Variants in CSTF1 observed in about 807,000 individuals in gnomAD.
CSTF1 encodes the protein CF-1 50 kDa subunit.
CSTF1 carries 2 observed loss-of-function variants against 40.9 expected under a neutral mutation model. That is an observed-to-expected ratio of 0.05 (90% CI 0.02 to 0.15). CSTF1 has a LOEUF of 0.15. Among genes scored for constraint, CSTF1 ranks in the 10% least tolerant of loss-of-function variants. The pLI, the probability that CSTF1 is intolerant of heterozygous loss-of-function variation, is 1.00. For synonymous variants in CSTF1, 218 were observed against 207.2 expected (o/e 1.05, Z -0.45); for missense variants, 279 against 558.9 (o/e 0.50, Z 5.05).
chr20:56,403,148 A>G (rs77513126), intron 5 of CSTF1, among the ~76,000 whole-genome samples: 2,225 of 151,864 alleles, frequency 0.015, 51 homozygotes, highest in African/African-American at 0.051. Context: ...CAGTAACAGT[A>G]TTGCTTCAGG....
At chr20:56,402,804 G>A (rs1245367096) in intron 5 of CSTF1, among the ~76,000 whole-genome samples, 4 of 151,826 alleles carry the variant, frequency 2.6e-5, no homozygotes, top group African/African-American at 9.7e-5. Flanking sequence ...GTGTGGTGGT[G>A]TCCACCTGTA....
Position 56,399,062 on chromosome 20 carries a change from C to T in CSTF1, c.741C>T (p.Asn247=). 6.2e-7 allele frequency: 1 copy of T among 1,614,114 alleles called. No homozygotes were observed. Among genetic ancestry groups the T allele is most frequent in the Non-Finnish European group, 8.5e-7 (1 of 1,179,994 alleles). The stretch of plus-strand genomic sequence containing the variant: ...CTACTCTTCGCCTTTATGATATCAA[C>T]ACCTTTCAATGTTTTGTCTCTTGCA... ...QHPTLRLYDI[N]TFQCFVSCNP... The change falls in exon 5 of 6, where the codon AAC becomes AAT. Residue 247 remains asparagine, a synonymous_variant. Transcript: ENST00000217109. The surrounding 1 kb of genome is among the most constrained non-coding windows in gnomAD (Gnocchi z 4.6).
rs1463116839 is a variant in CSTF1, at chr20:56,397,371, C to T, written c.334C>T (p.Arg112Cys). The T allele has an allele frequency of 6.2e-7, 1 of 1,614,084 alleles. No individual in the cohort carries two copies. The highest frequency in any genetic ancestry group is 8.5e-7 in the Non-Finnish European group (1 of 1,180,024). Residue 112 changes from arginine to cysteine, a missense_variant, in exon 3 of 6, where the codon CGT becomes TGT. Transcript: ENST00000217109. The surrounding 1 kb of genome is among the most constrained non-coding windows in gnomAD (Gnocchi z 4.4). The stretch of plus-strand genomic sequence containing the variant: ...TGTCACATCACATAAAGGACCATGC[C>T]GTGTAGCTACCTATAGTAGAGATGG... Reference protein sequence around the residue: ...CYVTSHKGPCRVATYSRDGQL... With the variant: ...CYVTSHKGPCCVATYSRDGQL...
chr20:56,401,856 A>G lies in CSTF1; in HGVS notation c.1037-1612A>G, dbSNP rs866233219. On this transcript the variant is annotated intron_variant, in intron 5 of 5. Transcript: ENST00000217109. ...CAGATGAGAAAATTAAGGCTGAGGAATGTTAAGTAATTTGCCCAGGGTCAC... is the reference window on the plus strand; with the variant it reads ...CAGATGAGAAAATTAAGGCTGAGGAGTGTTAAGTAATTTGCCCAGGGTCAC... Among the ~76,000 whole-genome samples the G allele has an allele frequency of 3.3e-5, 5 of 152,320 alleles. No homozygotes were observed. In the South Asian group the frequency reaches 6.2e-4, roughly 19 times the overall value.
In CSTF1 at chr20:56,403,546, A is replaced by G; in HGVS notation, c.1115A>G (p.Asp372Gly). 1 of 1,614,092 alleles carries G rather than the reference A, an allele frequency of 6.2e-7. No individual in the cohort carries two copies. Among genetic ancestry groups the G allele is most frequent in the Non-Finnish European group, 8.5e-7 (1 of 1,180,024 alleles). The part of the protein sequence containing the change: ...NHTEDYVLLP[D>G]ERTISLCCWD... ...ACCGAGGACTATGTGTTGCTGCCCG[A>G]CGAGAGGACGATCAGTCTTTGCTGC... Residue 372 changes from aspartate (D) to glycine (G), a missense_variant, in exon 6 of 6, where the codon GAC becomes GGC. Coordinates refer to ENST00000217109, the MANE Select transcript of CSTF1 (RefSeq NM_001324.3).
At position 56,404,732 on chromosome 20, in the gene CSTF1, G is replaced by A. The variant is rs8125654; in HGVS notation, c.*1005G>A. 0.18 allele frequency: 27,417 copies of A among 148,766 alleles called. 3,585 individuals carry two copies. The highest frequency in any genetic ancestry group is 0.37 in the African/African-American group (14,747 of 40,008). 9.2% of individuals were successfully genotyped at this position (148,766 alleles called of 1,614,324 possible). On this transcript the variant is annotated 3_prime_UTR_variant, in exon 6 of 6. Coordinates refer to ENST00000217109, the MANE Select transcript of CSTF1 (RefSeq NM_001324.3). ...GTGATCTCAGCTCACTGCAAGCTCC[G>A]CCTCCTGGTTTCACACCATTTTCCT...
chr20:56,396,747 A>G (rs905729988), intron 2 of CSTF1, among the ~76,000 whole-genome samples: 3 of 152,192 alleles, frequency 2.0e-5, no homozygotes, highest in South Asian at 2.1e-4. Flanking sequence ...TTCTTGATAA[A>G]CCAGTTTTTT....
chr20:56,403,426 G>A lies in CSTF1; in HGVS notation c.1037-42G>A, dbSNP rs750472474. 5 of 1,610,340 alleles carry A rather than the reference G, an allele frequency of 3.1e-6. No individual in the cohort carries two copies. The African/African-American group carries it at 6.7e-5, about 22-fold the overall frequency. On this transcript the variant is annotated intron_variant, in intron 5 of 5. Transcript: ENST00000217109. The stretch of plus-strand genomic sequence containing the variant: ...ATGCTAGAACGTTCTGAGGGTCTAA[G>A]ATGTGGACTTAGAAAGCTATCCCTC...
chr20:56,402,229 C>T (rs555710985), intron 5 of CSTF1, among the ~76,000 whole-genome samples: 179 of 151,824 alleles, frequency 1.2e-3, no homozygotes, highest in South Asian at 2.1e-3. Context: ...ATCTCTTGAA[C>T]CCAGGAGGCA....
At chr20:56,402,703 G>A (rs913609866) in intron 5 of CSTF1, among the ~76,000 whole-genome samples, 9 of 152,148 alleles carry the variant, frequency 5.9e-5, no homozygotes, top group South Asian at 2.1e-4. Context: ...TTGGGAGGCC[G>A]AAGCAGGTGG....
chr20:56,392,863 T>TG, intron 1 of CSTF1, 150 bp downstream of exon 1: 1 of 152,354 alleles, frequency 6.6e-6, no homozygotes, highest in East Asian at 1.9e-4. Flanking sequence ...CGGCTTGGCC[T>TG]GCACCCCTTC....
intron 1 of CSTF1, among the ~76,000 whole-genome samples, chr20:56,393,516 AT>A (rs780418339): frequency 1.3e-5 from 2 of 151,936 alleles, no homozygotes; most frequent in Non-Finnish European, 2.9e-5. Context: ...GTAACTGAAC[AT>A]TGTCCATGGG....
In CSTF1 at chr20:56,397,343, C is replaced by T. The variant is rs1177641988; in HGVS notation, c.306C>T (p.Cys102=). ...MSPEASEYET[C]YVTSHKGPCR... The stretch of plus-strand genomic sequence containing the variant: ...CAGAGGCTTCTGAGTACGAAACATG[C>T]TATGTCACATCACATAAAGGACCAT... The change falls in exon 3 of 6, where the codon TGC becomes TGT. Residue 102 remains cysteine (C), a synonymous_variant. Coordinates refer to ENST00000217109, the MANE Select transcript of CSTF1 (RefSeq NM_001324.3). The surrounding 1 kb of genome is among the most constrained non-coding windows in gnomAD (Gnocchi z 4.4). 2 of 1,614,134 alleles carry T rather than the reference C, an allele frequency of 1.2e-6. No individual in the cohort carries two copies. Among genetic ancestry groups the T allele is most frequent in the South Asian group, 2.2e-5 (2 of 91,084 alleles).
At chr20:56,403,174 C>T (rs921258405) in intron 5 of CSTF1, among the ~76,000 whole-genome samples, 4 of 146,086 alleles carry the variant, frequency 2.7e-5, no homozygotes, top group South Asian at 2.2e-4. Context: ...TGGTGATCTC[C>T]TTTTTTTTTT....
chr20:56,401,984 A>G (rs955413704), intron 5 of CSTF1, among the ~76,000 whole-genome samples: 1 of 152,200 alleles, frequency 6.6e-6, no homozygotes, highest in Admixed American at 6.5e-5. Context: ...GAATATTAAT[A>G]GTATATGACA....
chr20:56,400,411 G>A (rs2146246945), intron 5 of CSTF1, among the ~76,000 whole-genome samples: 1 of 152,238 alleles, frequency 6.6e-6, no homozygotes, highest in African/African-American at 2.4e-5. Flanking sequence ...TAATAGTTGT[G>A]TTTGTTGCAA....
At position 56,405,101 on chromosome 20, in the gene CSTF1, A is replaced by G. The variant is rs1978649716; in HGVS notation, c.*1374A>G. On this transcript the variant is annotated 3_prime_UTR_variant, in exon 6 of 6. Coordinates refer to ENST00000217109, the MANE Select transcript of CSTF1 (RefSeq NM_001324.3). ...AAAAAACAAATACCTTATGATCTGCATAGGAGTACCTAGAAATATAATCTG... is the reference window on the plus strand; with the variant it reads ...AAAAAACAAATACCTTATGATCTGCGTAGGAGTACCTAGAAATATAATCTG... 1 of 152,154 alleles carries G rather than the reference A, an allele frequency of 6.6e-6. No homozygotes were observed. The highest frequency in any genetic ancestry group is 1.5e-5 in the Non-Finnish European group (1 of 68,032). 9.4% of individuals were successfully genotyped at this position (152,154 alleles called of 1,614,324 possible). A position where few individuals can be genotyped will look rare whatever the true frequency, so the allele number is the denominator to read the frequency against.
intron 5 of CSTF1, among the ~76,000 whole-genome samples, chr20:56,403,166 G>A (rs1445925201): frequency 1.3e-5 from 2 of 151,818 alleles, no homozygotes; most frequent in Non-Finnish European, 2.9e-5. Context: ...AGGTGATCTG[G>A]TGATCTCCTT....
At chr20:56,402,729 G>A (rs2146249386) in intron 5 of CSTF1, among the ~76,000 whole-genome samples, 1 of 152,292 alleles carries the variant, frequency 6.6e-6, no homozygotes, top group African/African-American at 2.4e-5. Flanking sequence ...AAGGTCAGGA[G>A]ATAAAGACCA....
Sources: allele counts gnomAD v4.1 joint callset (sites outside exome capture counted in the v4.1 genomes callset), GRCh38; gene constraint gnomAD v4.1.1; non-coding constraint Gnocchi (gnomAD v3.1); transcripts MANE v1.5; gene names NCBI Gene and HGNC (gene_info 2026-07-23, HGNC 2026-07-21).